The following OR2L13 variants were observed in gnomAD, a reference collection of about 807,000 sequenced individuals.
OR2L13 encodes the protein olfactory receptor family 2 subfamily L member 13, also known as olfactory receptor 2L13.
In OR2L13, 14 loss-of-function variants were observed where a neutral mutation model predicts 15.3. The ratio of observed to expected loss-of-function variants is 0.91; its 90% CI spans 0.60 to 1.43. The LOEUF (loss-of-function observed/expected upper bound fraction) is 1.43, where lower values mean the gene tolerates loss of function less well. Among genes scored for constraint, OR2L13 ranks in the 40% most tolerant of loss-of-function variants. The probability of loss-of-function intolerance (pLI) is 0.00; values close to 1 mark genes in which losing one functional copy is unlikely to be tolerated. For synonymous variants in OR2L13, 152 were observed against 142.9 expected, an observed-to-expected ratio of 1.06 and a Z score of -0.45; for missense variants, 367 against 387.9, an observed-to-expected ratio of 0.95 and a Z score of 0.45.
the OR2L13 span, among the ~76,000 whole-genome samples, chr1:248,018,373 A>C: frequency 6.6e-6 from 1 of 152,160 alleles, no homozygotes; most frequent in African/African-American, 2.4e-5. Flanking sequence ...TGTGTTAGTA[A>C]TTACAAATAG....
At chr1:247,997,316 C>CTAAA in the OR2L13 span, among the ~76,000 whole-genome samples, 5,806 of 152,100 alleles carry the variant, frequency 0.038, 323 homozygotes, top group African/African-American at 0.13. Flanking sequence ...TATTCAATTA[C>CTAAA]TATTTTCTAA....
chr1:248,071,274 C>A, the OR2L13 span, among the ~76,000 whole-genome samples: 1 of 152,018 alleles, frequency 6.6e-6, no homozygotes, highest in Admixed American at 6.5e-5. Context: ...AAAGCTTATC[C>A]ACCATGATCA....
At chr1:247,994,327 G>C in the OR2L13 span, among the ~76,000 whole-genome samples, 3 of 152,232 alleles carry the variant, frequency 2.0e-5, no homozygotes, top group African/African-American at 4.8e-5. Context: ...AACCCGGGAG[G>C]CGGAGCTTGC....
the OR2L13 span, chr1:248,022,757 C>G: frequency 3.7e-6 from 6 of 1,614,004 alleles, no homozygotes; most frequent in Non-Finnish European, 5.1e-6. Context: ...TGACAGAGGA[C>G]AAGGTTCTGG....
chr1:248,084,360 A>G, the OR2L13 span: 32 of 1,613,016 alleles, frequency 2.0e-5, no homozygotes, highest in Non-Finnish European at 2.6e-5. Context: ...GTCAGCCGCC[A>G]TTTTGGGCAC....
chr1:248,089,669 G>A, the OR2L13 span, among the ~76,000 whole-genome samples: 1 of 152,100 alleles, frequency 6.6e-6, no homozygotes, highest in Non-Finnish European at 1.5e-5. Context: ...AGAGATAACA[G>A]CTTAACATTT....
At chr1:248,041,960 A>T in the OR2L13 span, 1 of 152,158 alleles carries the variant, frequency 6.6e-6, no homozygotes, top group Non-Finnish European at 1.5e-5. Context: ...TTCCTCAGGG[A>T]TCTAGAACTA....
the OR2L13 span, among the ~76,000 whole-genome samples, chr1:247,971,358 T>C: frequency 6.6e-6 from 1 of 152,110 alleles, no homozygotes; most frequent in Non-Finnish European, 1.5e-5. Context: ...CACCTAGGGA[T>C]TGTGGAAGAA....
upstream of OR2L13, among the ~76,000 whole-genome samples, chr1:248,093,102 A>G (rs1175488160): frequency 5.3e-5 from 8 of 152,162 alleles, no homozygotes; most frequent in South Asian, 4.1e-4. Flanking sequence ...GGAGGCTGAT[A>G]CAGTTCATGG....
At chr1:248,025,997 T>C in the OR2L13 span, among the ~76,000 whole-genome samples, 1 of 151,992 alleles carries the variant, frequency 6.6e-6, no homozygotes, top group Admixed American at 6.6e-5. Context: ...TACCTAATGC[T>C]AAATGAGGAG....
chr1:248,022,662 A>T, the OR2L13 span: 1 of 1,613,944 alleles, frequency 6.2e-7, no homozygotes, highest in East Asian at 2.2e-5. Flanking sequence ...GGCCTATTCG[A>T]CCTGCAGCAC....
the OR2L13 span, chr1:247,948,731 T>A: frequency 1.4e-6 from 1 of 701,850 alleles, no homozygotes. Context: ...TATTTAGGGT[T>A]CAGTATCAAC....
chr1:248,069,961 C>G, the OR2L13 span, among the ~76,000 whole-genome samples: 4 of 151,888 alleles, frequency 2.6e-5, no homozygotes, highest in African/African-American at 7.3e-5. Flanking sequence ...ACAGGAGCAC[C>G]CAGATTCATA....
At chr1:248,045,377 C>T in the OR2L13 span, among the ~76,000 whole-genome samples, 1 of 152,076 alleles carries the variant, frequency 6.6e-6, no homozygotes, top group Non-Finnish European at 1.5e-5. Flanking sequence ...GGAGAAGTAG[C>T]GTATTTCAAG....
At chr1:248,038,185 A>G in the OR2L13 span, 2 of 978,042 alleles carry the variant, frequency 2.0e-6, no homozygotes, top group South Asian at 1.6e-5. Context: ...GAGTCTTGTA[A>G]TGCAGCCACT....
chr1:248,073,237 C>T, the OR2L13 span, among the ~76,000 whole-genome samples: 2 of 152,122 alleles, frequency 1.3e-5, no homozygotes, highest in Non-Finnish European at 2.9e-5. Context: ...AAATGTCCAA[C>T]AATGATAGAC....
the OR2L13 span, among the ~76,000 whole-genome samples, chr1:247,994,118 C>T: frequency 4.6e-5 from 7 of 152,208 alleles, no homozygotes; most frequent in African/African-American, 1.4e-4. Context: ...AGTGATTGGC[C>T]GGGCACGGTA....
At chr1:248,070,542 A>C in the OR2L13 span, among the ~76,000 whole-genome samples, 16 of 152,274 alleles carry the variant, frequency 1.1e-4, 1 homozygote, top group South Asian at 1.9e-3. Context: ...TAAAATTGAC[A>C]CCCTAACATC....
At chr1:247,951,022 C>T in the OR2L13 span, among the ~76,000 whole-genome samples, 1 of 152,064 alleles carries the variant, frequency 6.6e-6, no homozygotes, top group African/African-American at 2.4e-5. Flanking sequence ...CAAAACATCA[C>T]ATACACTCTA....
Sources: allele counts gnomAD v4.1 joint callset (sites outside exome capture counted in the v4.1 genomes callset), GRCh38; gene constraint gnomAD v4.1.1; transcripts MANE v1.5; gene names NCBI Gene and HGNC (gene_info 2026-07-23, HGNC 2026-07-21).